Variants in ENTREP2 observed in about 807,000 individuals in gnomAD.
ENTREP2 encodes the protein endosomal transmembrane epsin interactor 2.
chr15:29,161,548 T>C, the ENTREP2 span, among the ~76,000 whole-genome samples: 1 of 152,230 alleles, frequency 6.6e-6, no homozygotes, highest in Non-Finnish European at 1.5e-5. Flanking sequence ...GCTCAGACCC[T>C]GCAGTTCCTG....
At chr15:29,165,669 A>G in the ENTREP2 span, among the ~76,000 whole-genome samples, 1 of 152,196 alleles carries the variant, frequency 6.6e-6, no homozygotes, top group Non-Finnish European at 1.5e-5. Flanking sequence ...ACAAGCTGCA[A>G]GACTGAAATG....
At chr15:29,216,890 C>T in the ENTREP2 span, among the ~76,000 whole-genome samples, 1 of 152,132 alleles carries the variant, frequency 6.6e-6, no homozygotes, top group Non-Finnish European at 1.5e-5. Context: ...AAACACCACA[C>T]TTTGAGACAA....
the ENTREP2 span, among the ~76,000 whole-genome samples, chr15:29,200,793 C>T: frequency 6.6e-6 from 1 of 152,128 alleles, no homozygotes; most frequent in Non-Finnish European, 1.5e-5. Context: ...GACTCCTGAC[C>T]TCAGGTGATC....
the ENTREP2 span, among the ~76,000 whole-genome samples, chr15:29,341,903 A>AT: frequency 1.8e-4 from 28 of 152,154 alleles, no homozygotes; most frequent in African/African-American, 6.7e-4. Context: ...GTGGAGGAAA[A>AT]TTTTTTTAAT....
the ENTREP2 span, among the ~76,000 whole-genome samples, chr15:29,571,186 C>T: frequency 3.4e-4 from 52 of 151,996 alleles, no homozygotes; most frequent in Middle Eastern, 0.01. Flanking sequence ...GTCCCAGCCT[C>T]CGCGCTCACG....
At chr15:29,416,316 ACAACAGAGCCCT>A in the ENTREP2 span, among the ~76,000 whole-genome samples, 1 of 152,330 alleles carries the variant, frequency 6.6e-6, no homozygotes, top group South Asian at 2.1e-4. Flanking sequence ...CCAATGGAAT[ACAACAGAGCCCT>A]CAGAAATAAT....
chr15:29,410,464 C>A, the ENTREP2 span, among the ~76,000 whole-genome samples: 1 of 151,942 alleles, frequency 6.6e-6, no homozygotes, highest in Admixed American at 6.5e-5. Flanking sequence ...CTTGAGGCGA[C>A]GGGTCTCGGG....
the ENTREP2 span, among the ~76,000 whole-genome samples, chr15:29,163,051 A>G: frequency 1.3e-5 from 2 of 152,142 alleles, no homozygotes; most frequent in Admixed American, 1.3e-4. Flanking sequence ...CCAGACCCAG[A>G]AGAGAGACAA....
chr15:29,137,114 G>A, the ENTREP2 span: 261 of 1,471,098 alleles, frequency 1.8e-4, 3 homozygotes, highest in South Asian at 3.6e-3. Flanking sequence ...TGAACTCGTC[G>A]AAATCCAGGG....
the ENTREP2 span, among the ~76,000 whole-genome samples, chr15:29,305,877 T>C: frequency 1.5e-4 from 23 of 152,270 alleles, no homozygotes; most frequent in African/African-American, 4.6e-4. Flanking sequence ...AGAAGCTGGA[T>C]AGAGAGGAAG....
chr15:29,247,738 T>TAA, the ENTREP2 span, among the ~76,000 whole-genome samples: 12 of 150,900 alleles, frequency 8.0e-5, no homozygotes, highest in East Asian at 3.9e-4. Context: ...GGTATGTCTG[T>TAA]AAAAAAAAAG....
At chr15:29,526,490 G>T in the ENTREP2 span, among the ~76,000 whole-genome samples, 54 of 151,916 alleles carry the variant, frequency 3.6e-4, no homozygotes, top group African/African-American at 1.3e-3. Flanking sequence ...CAGAGACAGG[G>T]TTTCATTCCA....
the ENTREP2 span, among the ~76,000 whole-genome samples, chr15:29,502,181 AGAACAAAGTGAGAG>A: frequency 6.6e-6 from 1 of 151,966 alleles, no homozygotes; most frequent in Non-Finnish European, 1.5e-5. Flanking sequence ...ATCTTGAAAA[AGAACAAAGTGAGAG>A]GAATCACACT....
chr15:29,223,502 G>A, the ENTREP2 span, among the ~76,000 whole-genome samples: 1 of 152,176 alleles, frequency 6.6e-6, no homozygotes, highest in Non-Finnish European at 1.5e-5. Flanking sequence ...GAGTCCAGTG[G>A]ACACAGACAC....
chr15:29,268,942 T>G, the ENTREP2 span: 1 of 1,614,172 alleles, frequency 6.2e-7, no homozygotes, highest in Non-Finnish European at 8.5e-7. Context: ...GGTTTCCAGG[T>G]TGGTTCGCGG....
chr15:29,520,899 T>C, the ENTREP2 span, among the ~76,000 whole-genome samples: 1 of 152,174 alleles, frequency 6.6e-6, no homozygotes, highest in African/African-American at 2.4e-5. Flanking sequence ...TACAAACTAC[T>C]GTAGAGAAAG....
the ENTREP2 span, among the ~76,000 whole-genome samples, chr15:29,649,199 T>C: frequency 6.6e-6 from 1 of 152,084 alleles, no homozygotes; most frequent in East Asian, 1.9e-4. Context: ...GTAGATTTGT[T>C]AGAAGCACTG....
chr15:29,569,166 T>A, the ENTREP2 span, among the ~76,000 whole-genome samples: 4 of 152,158 alleles, frequency 2.6e-5, no homozygotes, highest in Admixed American at 2.6e-4. Flanking sequence ...GCCTCCAACC[T>A]CCTCTCTTTT....
the ENTREP2 span, among the ~76,000 whole-genome samples, chr15:29,139,637 G>C: frequency 6.6e-6 from 1 of 152,208 alleles, no homozygotes; most frequent in Non-Finnish European, 1.5e-5. Flanking sequence ...CCTCTCCGCA[G>C]GTGCAAGTGA....
Sources: allele counts gnomAD v4.1 joint callset (sites outside exome capture counted in the v4.1 genomes callset), GRCh38; gene constraint gnomAD v4.1.1; transcripts MANE v1.5; gene names NCBI Gene and HGNC (gene_info 2026-07-23, HGNC 2026-07-21).